SNRNP48: variants seen among roughly 807,000 people sequenced by gnomAD.
SNRNP48 encodes the protein small nuclear ribonucleoprotein U11/U12 subunit 48.
SNRNP48 carries 43 observed loss-of-function variants against 47.0 expected under a neutral mutation model. The ratio of observed to expected loss-of-function variants is 0.92; its 90% CI spans 0.72 to 1.18. The LOEUF (loss-of-function observed/expected upper bound fraction) is 1.18, where lower values mean the gene tolerates loss of function less well. Among genes scored for constraint, SNRNP48 ranks in the 50% most tolerant of loss-of-function variants. The pLI, the probability that SNRNP48 is intolerant of heterozygous loss-of-function variation, is 0.00. For synonymous variants in SNRNP48, 138 were observed against 144.0 expected, an observed-to-expected ratio of 0.96 and a Z score of 0.30; for missense variants, 396 against 422.2, an observed-to-expected ratio of 0.94 and a Z score of 0.54.
chr6:7,598,211 T>A (rs1759943603), intron 4 of SNRNP48, among the ~76,000 whole-genome samples: 1 of 151,424 alleles, frequency 6.6e-6, no homozygotes, highest in South Asian at 2.1e-4. Flanking sequence ...AAAATTTTTT[T>A]TGGCCACGTG....
chr6:7,606,072 C>G lies in SNRNP48; in HGVS notation c.848C>G (p.Ser283Cys). The change falls in exon 8 of 9, where the codon TCT becomes TGT. Residue 283 changes from serine to cysteine, a missense_variant. Transcript: ENST00000342415. ...TCAGCTTCAGTAGATTCACGGCAGTCTGGTGGAAGCTATTTGGATGCTGAG... is the reference window on the plus strand; with the variant it reads ...TCAGCTTCAGTAGATTCACGGCAGTGTGGTGGAAGCTATTTGGATGCTGAG... ...RRSASVDSRQ[S>C]GGSYLDAECS... 2.5e-6 allele frequency: 4 copies of G among 1,611,190 alleles called. No homozygotes were observed. The highest frequency in any genetic ancestry group is 2.5e-6 in the Non-Finnish European group (3 of 1,179,356).
At chr6:7,602,052 C>G (rs1281142167) in intron 5 of SNRNP48, among the ~76,000 whole-genome samples, 1 of 152,034 alleles carries the variant, frequency 6.6e-6, no homozygotes, top group African/African-American at 2.4e-5. Flanking sequence ...TGGGGTTTTG[C>G]TACGCTGGCC....
chr6:7,600,245 C>T, intron 4 of SNRNP48: 1 of 964,040 alleles, frequency 1.0e-6, no homozygotes, highest in Non-Finnish European at 1.2e-6. Flanking sequence ...AATATGTAGA[C>T]AAGTAGTACC....
At chr6:7,598,068 T>C (rs548111795) in intron 4 of SNRNP48, among the ~76,000 whole-genome samples, 1,898 of 151,816 alleles carry the variant, frequency 0.013, 18 homozygotes, top group Non-Finnish European at 0.015. Context: ...GGGGTTTCAC[T>C]GTGTTAGCCA....
intron 3 of SNRNP48, among the ~76,000 whole-genome samples, chr6:7,594,643 C>T (rs1291632572): frequency 2.6e-5 from 4 of 151,978 alleles, no homozygotes; most frequent in East Asian, 3.8e-4. Context: ...TAGCACTTTG[C>T]GAAGATTAAG....
rs963335152 is a variant in SNRNP48, at chr6:7,610,517, G to C, written c.*1644G>C. The C allele has an allele frequency of 4.6e-5, 7 of 152,082 alleles. No homozygotes were observed. The highest frequency in any genetic ancestry group is 1.3e-4 in the Admixed American group (2 of 15,272). The allele number at this position is 152,082 out of a possible 1,614,324, so 9.4% of individuals were successfully genotyped here. A position where few individuals can be genotyped will look rare whatever the true frequency, so the allele number is the denominator to read the frequency against. On this transcript the variant is annotated 3_prime_UTR_variant, in exon 9 of 9. Transcript: ENST00000342415. ...TCAGGAATTTCATATTTTTCATATT[G>C]TGTGACAACTTATAATTTTGTTTCA...
Position 7,610,512 on chromosome 6 carries a change from A to G in SNRNP48, c.*1639A>G, listed in dbSNP as rs957432093. On this transcript the variant is annotated 3_prime_UTR_variant, in exon 9 of 9. Coordinates refer to ENST00000342415, the MANE Select transcript of SNRNP48 (RefSeq NM_152551.4). Reference sequence around the variant, plus strand: ...AATCATCAGGAATTTCATATTTTTCATATTGTGTGACAACTTATAATTTTG... The same window carrying G: ...AATCATCAGGAATTTCATATTTTTCGTATTGTGTGACAACTTATAATTTTG... 1.1e-4 allele frequency: 16 copies of G among 152,214 alleles called. No individual in the cohort carries two copies. The highest frequency in any genetic ancestry group is 3.6e-4 in the African/African-American group (15 of 41,466). 9.4% of individuals were successfully genotyped at this position (152,214 alleles called of 1,614,324 possible). A position where few individuals can be genotyped will look rare whatever the true frequency, so the allele number is the denominator to read the frequency against.
chr6:7,599,318 T>G (rs1484654602), intron 4 of SNRNP48, among the ~76,000 whole-genome samples: 1 of 152,108 alleles, frequency 6.6e-6, no homozygotes, highest in African/African-American at 2.4e-5. Flanking sequence ...GAGTTTCAAT[T>G]TGGGGTGACG....
In SNRNP48 at chr6:7,602,744, G is replaced by T; in HGVS notation, c.717G>T (p.Glu239Asp). Residue 239 changes from glutamate (E) to aspartate (D), a missense_variant and splice_region_variant, in exon 6 of 9, where the codon GAG becomes GAT. Physicochemically the swap from Glu to Asp is conservative, Grantham distance 45 (BLOSUM62 2). Transcript: ENST00000342415. ...NVHITKKSYT[E>D]VIRDVINVHM... ...ACATAACCAAGAAATCATATACTGA[G>T]GTAAGTTTTACATAATCTTTGTTGA... 6.5e-7 allele frequency: 1 copy of T among 1,548,684 alleles called. No homozygotes were observed. Among genetic ancestry groups the T allele is most frequent in the Non-Finnish European group, 8.7e-7 (1 of 1,152,940 alleles).
In SNRNP48 at chr6:7,594,106, T is replaced by C. The variant is rs1759863553; in HGVS notation, c.278T>C (p.Met93Thr). Residue 93 changes from methionine to threonine, a missense_variant, in exon 3 of 9, where the codon ATG becomes ACG. By Grantham distance (81) the Met-to-Thr change is moderately conservative (BLOSUM62 -1). Transcript: ENST00000342415. ...MGYTKEEEDE[M>T]YNPEFFYENV... ...AAGATTCTTTTTTTTCAGGATGAAA[T>C]GTATAATCCTGAGTTTTTCTATGAA... The C allele has an allele frequency of 1.4e-6, 2 of 1,435,766 alleles. No homozygotes were observed. The highest frequency in any genetic ancestry group is 1.4e-5 in the African/African-American group (1 of 69,452). 88.9% of individuals were successfully genotyped at this position (1,435,766 alleles called of 1,614,324 possible).
At chr6:7,608,345 T>G (rs984515342) in intron 8 of SNRNP48, among the ~76,000 whole-genome samples, 9 of 151,902 alleles carry the variant, frequency 5.9e-5, no homozygotes, top group African/African-American at 1.9e-4. Context: ...TCACCTGAGG[T>G]CAGGAGTTCG....
intron 8 of SNRNP48, among the ~76,000 whole-genome samples, chr6:7,607,583 C>T (rs1353880972): frequency 6.6e-6 from 1 of 152,172 alleles, no homozygotes; most frequent in East Asian, 1.9e-4. Context: ...CCCATCTCAG[C>T]CATTTCCTGA....
chr6:7,595,420 A>T (rs1477555198), intron 4 of SNRNP48, among the ~76,000 whole-genome samples: 1 of 152,172 alleles, frequency 6.6e-6, no homozygotes, highest in African/African-American at 2.4e-5. Flanking sequence ...GTCCCAACTT[A>T]ATGATGATTT....
At position 7,602,695 on chromosome 6, in the gene SNRNP48, A is replaced by C. The variant is rs369422305; in HGVS notation, c.668A>C (p.Gln223Pro). ...AEVRDYKRRR[Q>P]SYRAKNVHIT... ...GTACGAGATTATAAAAGAAGACGCC[A>C]GTCCTATAGAGCCAAGAATGTTCAC... The change falls in exon 6 of 9, where the codon CAG becomes CCG. Residue 223 changes from glutamine to proline, a missense_variant. By Grantham distance (76) the Gln-to-Pro change is moderately conservative. Transcript: ENST00000342415. 2.8e-5 allele frequency: 45 copies of C among 1,602,934 alleles called. No homozygotes were observed. In the African/African-American group the frequency reaches 3.8e-4, roughly 13 times the overall value.
At chr6:7,596,546 C>T (rs1170589708) in intron 4 of SNRNP48, among the ~76,000 whole-genome samples, 1 of 152,150 alleles carries the variant, frequency 6.6e-6, no homozygotes, top group Non-Finnish European at 1.5e-5. Context: ...AGTATCTGGA[C>T]TTGATTTCTC....
chr6:7,600,174 A>ATAT lies in SNRNP48; in HGVS notation c.407-1161_407-1159dup. ...AACCCTTTGACGAGTAAAAATGGCC[A>ATAT]TATATTGTTATGTATAGCCGTGTTA... On this transcript the variant is annotated intron_variant, in intron 4 of 8. Transcript: ENST00000342415. 3 of 991,654 alleles carry ATAT rather than the reference A, an allele frequency of 3.0e-6. No individual in the cohort carries two copies. In the South Asian group the frequency reaches 1.4e-4, roughly 45 times the overall value. 61.4% of individuals were successfully genotyped at this position (991,654 alleles called of 1,614,324 possible). A position where few individuals can be genotyped will look rare whatever the true frequency, so the allele number is the denominator to read the frequency against.
chr6:7,590,461 T>C, intron 1 of SNRNP48, 48 bp downstream of exon 1: 1 of 1,265,562 alleles, frequency 7.9e-7, no homozygotes, highest in Non-Finnish European at 1.0e-6. Flanking sequence ...CGGCCCGGGG[T>C]CTTCTCTGGA....
At chr6:7,606,732 A>G (rs1760135999) in intron 8 of SNRNP48, among the ~76,000 whole-genome samples, 2 of 152,234 alleles carry the variant, frequency 1.3e-5, no homozygotes, top group African/African-American at 4.8e-5. Flanking sequence ...CCAGCTGCTT[A>G]CAAGGCATGT....
intron 4 of SNRNP48, chr6:7,600,505 GCTT>G (rs1401925850): frequency 1.3e-5 from 2 of 152,224 alleles, no homozygotes; most frequent in Admixed American, 6.5e-5. Context: ...GTTTTAAATT[GCTT>G]TTTTTACAGT....
Sources: gnomAD v4.1 joint callset for allele counts (sites outside exome capture counted in the v4.1 genomes callset) on GRCh38, gnomAD v4.1.1 for gene constraint, MANE v1.5 for transcripts, NCBI Gene and HGNC (gene_info 2026-07-23, HGNC 2026-07-21) for gene names.